Variants in SIL1 observed in about 807,000 individuals in gnomAD.
SIL1 encodes nucleotide exchange factor SIL1.
A neutral mutation model predicts 49.1 loss-of-function variants in SIL1; 40 were observed. The ratio of observed to expected loss-of-function variants is 0.81; its 90% CI spans 0.63 to 1.06. The LOEUF (loss-of-function observed/expected upper bound fraction) is 1.06. Ranked by LOEUF, SIL1 falls within the 50% of genes least tolerant of loss-of-function variation. The pLI is 0.00. For missense variants in SIL1, 500 were observed against 572.6 expected, an observed-to-expected ratio of 0.87 and a Z score of 1.29; for synonymous variants, 253 against 250.8, an observed-to-expected ratio of 1.01 and a Z score of -0.08.
intron 7 of SIL1, among the ~76,000 whole-genome samples, chr5:138,959,070 C>G (rs1164003724): frequency 6.6e-6 from 1 of 152,168 alleles, no homozygotes; most frequent in Non-Finnish European, 1.5e-5. Context: ...TTCCATCACC[C>G]TTTAATATTT....
rs1033726894 is a variant in SIL1 at position 138,948,982 on chromosome 5, T to C, written c.1030-1509A>G. On this transcript the variant is annotated intron_variant, in intron 9 of 9. Transcript: ENST00000394817. The surrounding 1 kb of genome is among the most constrained non-coding windows in gnomAD (Gnocchi z 4.8). The stretch of plus-strand genomic sequence containing the variant: ...ATCGTGGATTTCCCAGCCTCCCGAA[T>C]CATGAGCCAAAAACTGCCTTTTCTT... 2.0e-5 allele frequency among the ~76,000 whole-genome samples: 3 copies of C among 152,188 alleles called. No homozygotes were observed. The highest frequency in any genetic ancestry group is 4.4e-5 in the Non-Finnish European group (3 of 68,028).
At chr5:138,966,453 G>A (rs919114527) in intron 7 of SIL1, among the ~76,000 whole-genome samples, 1 of 152,030 alleles carries the variant, frequency 6.6e-6, no homozygotes, top group South Asian at 2.1e-4. Context: ...TCAACTCCTG[G>A]AGGCAGACAC....
intron 3 of SIL1, among the ~76,000 whole-genome samples, chr5:139,056,596 G>A (rs1476098926): frequency 6.8e-6 from 1 of 147,242 alleles, no homozygotes; most frequent in Non-Finnish European, 1.5e-5. Context: ...GGAGGGAGGT[G>A]GGGGGGTCAG....
At chr5:139,107,669 C>G (rs930264978) in intron 3 of SIL1, among the ~76,000 whole-genome samples, 3 of 152,162 alleles carry the variant, frequency 2.0e-5, no homozygotes, top group African/African-American at 7.2e-5. Flanking sequence ...TCTTTCATCA[C>G]CTGGACATAC....
chr5:139,176,927 C>CTTTTTTTTT (rs70982757), intron 1 of SIL1, among the ~76,000 whole-genome samples: 5 of 95,788 alleles, frequency 5.2e-5, no homozygotes, highest in East Asian at 3.4e-4. Context: ...AGCTGAGATT[C>CTTTTTTTTT]TTTTTTTTTT....
intron 5 of SIL1, among the ~76,000 whole-genome samples, chr5:139,040,391 A>G (rs1769011729): frequency 6.6e-6 from 1 of 151,352 alleles, no homozygotes; most frequent in Non-Finnish European, 1.5e-5. Context: ...CAGACCTCAG[A>G]GGTGTGCAGC....
intron 3 of SIL1, among the ~76,000 whole-genome samples, chr5:139,093,166 C>G (rs1328144442): frequency 1.3e-5 from 2 of 152,172 alleles, no homozygotes; most frequent in African/African-American, 4.8e-5. Context: ...CCCCATTCTG[C>G]TCTCTCTCCA....
intron 7 of SIL1, among the ~76,000 whole-genome samples, chr5:139,006,680 C>A (rs1156708237): frequency 6.6e-6 from 1 of 150,398 alleles, no homozygotes; most frequent in African/African-American, 2.4e-5. Context: ...CTACATATGG[C>A]TAGCCAGTTT....
At chr5:139,149,229 G>C (rs1331352343) in intron 1 of SIL1, among the ~76,000 whole-genome samples, 1 of 152,152 alleles carries the variant, frequency 6.6e-6, no homozygotes, top group African/African-American at 2.4e-5. Flanking sequence ...GCAGTTAACA[G>C]TCACGCCAAT....
chr5:139,063,025 A>T (rs1320291894), intron 3 of SIL1, among the ~76,000 whole-genome samples: 3 of 152,242 alleles, frequency 2.0e-5, no homozygotes, highest in Non-Finnish European at 4.4e-5. Context: ...CAAGCAAGCA[A>T]TGAGGAACTC....
At position 139,138,185 on chromosome 5, in the gene SIL1, G is replaced by A. The variant is rs919428841; in HGVS notation, c.-10-10332C>T. On this transcript the variant is annotated intron_variant, in intron 1 of 9. Coordinates refer to ENST00000394817, the MANE Select transcript of SIL1 (RefSeq NM_022464.5). ...CACAAACCACAACCACACACACCAC[G>A]TATATACACACACCCAACTGTCTGG... 1.1e-4 allele frequency among the ~76,000 whole-genome samples: 16 copies of A among 151,676 alleles called. 1 individual carries two copies. Among genetic ancestry groups the A allele is most frequent in the East Asian group, 3.9e-4 (2 of 5,190 alleles).
intron 1 of SIL1, among the ~76,000 whole-genome samples, chr5:139,145,984 G>A (rs1043300588): frequency 6.6e-6 from 1 of 152,036 alleles, no homozygotes; most frequent in African/African-American, 2.4e-5. Flanking sequence ...GTGAGTGTGT[G>A]TGTGTATGTA....
intron 1 of SIL1, among the ~76,000 whole-genome samples, chr5:139,181,828 T>G (rs981954948): frequency 4.6e-5 from 7 of 152,226 alleles, no homozygotes; most frequent in Non-Finnish European, 8.8e-5. Flanking sequence ...ATTCTTTAAC[T>G]GCAGACTATC....
intron 5 of SIL1, among the ~76,000 whole-genome samples, chr5:139,029,624 G>C (rs1325227352): frequency 6.6e-6 from 1 of 151,558 alleles, no homozygotes. Context: ...ACCCCAGCGT[G>C]AGTAGTTAGG....
chr5:139,028,449 G>A (rs1428859494), intron 5 of SIL1, among the ~76,000 whole-genome samples: 1 of 152,174 alleles, frequency 6.6e-6, no homozygotes, highest in Non-Finnish European at 1.5e-5. Flanking sequence ...AGTGAGCGGA[G>A]ATCGTGCCAC....
chr5:139,074,332 T>C (rs922988129), intron 3 of SIL1, among the ~76,000 whole-genome samples: 1 of 152,224 alleles, frequency 6.6e-6, no homozygotes, highest in Non-Finnish European at 1.5e-5. Context: ...GCTGGGATTA[T>C]AGGCATGAGC....
chr5:139,014,711 C>A (rs1768361904), intron 7 of SIL1, among the ~76,000 whole-genome samples: 1 of 152,156 alleles, frequency 6.6e-6, no homozygotes, highest in Non-Finnish European at 1.5e-5. Context: ...AGTAATCAGA[C>A]TTTGAATGTA....
chr5:139,196,173 G>T (rs138091333), intron 1 of SIL1, among the ~76,000 whole-genome samples: 295 of 152,208 alleles, frequency 1.9e-3, no homozygotes, highest in African/African-American at 6.5e-3. Flanking sequence ...CTGAACCACA[G>T]TGTGAGACCC....
intron 4 of SIL1, among the ~76,000 whole-genome samples, chr5:139,043,574 G>C (rs1035634846): frequency 6.6e-6 from 1 of 152,178 alleles, no homozygotes; most frequent in East Asian, 1.9e-4. Flanking sequence ...AGATACTAAG[G>C]AGTAGAATCA....
Sources: gnomAD v4.1 joint callset for allele counts (sites outside exome capture counted in the v4.1 genomes callset) on GRCh38, gnomAD v4.1.1 for gene constraint, Gnocchi (gnomAD v3.1) non-coding constraint, MANE v1.5 for transcripts, NCBI Gene and HGNC (gene_info 2026-07-23, HGNC 2026-07-21) for gene names.